PYY: variants seen among roughly 807,000 people sequenced by gnomAD.
The protein encoded by PYY is peptide tyrosine tyrosine.
Under a neutral mutation model 10.3 loss-of-function variants are expected in PYY, and 12 were observed. The observed-to-expected ratio is 1.17, with a 90% CI of 0.75 to 1.89. The LOEUF is 1.89. Ranked by LOEUF, PYY falls within the 40% of genes most tolerant of loss-of-function variation. The pLI is 0.00. For synonymous variants in PYY, 66 were observed against 62.0 expected, an observed-to-expected ratio of 1.06 and a Z score of -0.30; for missense variants, 141 against 134.0, an observed-to-expected ratio of 1.05 and a Z score of -0.26.
At chr17:44,000,211 G>T (rs1439728427) in intron 1 of PYY, among the ~76,000 whole-genome samples, 2 of 152,144 alleles carry the variant, frequency 1.3e-5, no homozygotes, top group Non-Finnish European at 2.9e-5. Flanking sequence ...GTGAGACCAG[G>T]CGTCGAGGTT....
intron 1 of PYY, among the ~76,000 whole-genome samples, chr17:44,001,627 G>A (rs1427945602): frequency 3.3e-5 from 5 of 152,202 alleles, no homozygotes; most frequent in African/African-American, 1.2e-4. Flanking sequence ...CCCATTGGCT[G>A]CCTGGGGACA....
chr17:43,962,222 G>A (rs73986652), intron 2 of PYY, among the ~76,000 whole-genome samples: 4,562 of 152,166 alleles, frequency 0.03, 229 homozygotes, highest in African/African-American at 0.1. Flanking sequence ...TGTGCTATTA[G>A]AAGGAATGGG....
intron 2 of PYY, among the ~76,000 whole-genome samples, chr17:43,964,821 A>G (rs929965612): frequency 6.6e-6 from 1 of 152,156 alleles, no homozygotes; most frequent in Non-Finnish European, 1.5e-5. Flanking sequence ...AAAAAAAATC[A>G]ACTGTTTTCC....
At chr17:44,002,505 A>G (rs1402984547) in intron 1 of PYY, among the ~76,000 whole-genome samples, 4 of 152,286 alleles carry the variant, frequency 2.6e-5, no homozygotes, top group Admixed American at 6.5e-5. Flanking sequence ...CCCCTCTACA[A>G]CAACAGAGGG....
intron 1 of PYY, among the ~76,000 whole-genome samples, chr17:44,000,535 GCTGAGAATGC>G (rs1372443001): frequency 2.7e-5 from 4 of 150,670 alleles, no homozygotes; most frequent in South Asian, 2.1e-4. Flanking sequence ...TGACACAGTC[GCTGAGAATGC>G]CTGAGAATGC....
chr17:43,977,073 C>T (rs528853472), intron 1 of PYY, among the ~76,000 whole-genome samples: 1 of 152,194 alleles, frequency 6.6e-6, no homozygotes, highest in Non-Finnish European at 1.5e-5. Context: ...CATGTCCCCC[C>T]ACCCTGCCTT....
intron 1 of PYY, among the ~76,000 whole-genome samples, chr17:43,993,264 A>G (rs1232786426): frequency 6.6e-6 from 1 of 151,934 alleles, no homozygotes. Context: ...ATCGAGACCA[A>G]CCTGGCTAAC....
intron 1 of PYY, among the ~76,000 whole-genome samples, chr17:43,973,776 C>T (rs1263543656): frequency 6.6e-6 from 1 of 152,160 alleles, no homozygotes; most frequent in East Asian, 1.9e-4. Context: ...GCCTGGGTGA[C>T]AAAGCACGAC....
chr17:43,953,889 C>A lies in PYY; in HGVS notation c.-40G>T. 6.1e-6 allele frequency: 1 copy of A among 163,574 alleles called. No individual in the cohort carries two copies. Among genetic ancestry groups the A allele is most frequent in the Non-Finnish European group, 1.3e-5 (1 of 74,410 alleles). 10.1% of individuals were successfully genotyped at this position (163,574 alleles called of 1,614,324 possible). A position where few individuals can be genotyped will look rare whatever the true frequency, so the allele number is the denominator to read the frequency against. ...AAGCAGACGAGCAGGAGGTGGAAGG[C>A]GAGGGAAGTCCCAAGGGCTGCACTG... On this transcript the variant is annotated 5_prime_UTR_variant, in exon 1 of 4. Transcript: ENST00000692052.
chr17:43,988,035 C>T (rs970977288), intron 1 of PYY, among the ~76,000 whole-genome samples: 2 of 152,124 alleles, frequency 1.3e-5, no homozygotes, highest in Non-Finnish European at 2.9e-5. Flanking sequence ...TCACCCAGGG[C>T]CACAGCCACA....
chr17:43,989,792 C>T lies in PYY; in HGVS notation c.-463+14599G>A, dbSNP rs1359090515. 1.1e-4 allele frequency among the ~76,000 whole-genome samples: 12 copies of T among 109,150 alleles called. No individual in the cohort carries two copies. In the East Asian group the frequency reaches 2.8e-3, roughly 25 times the overall value. 71.6% of individuals were successfully genotyped at this position (109,150 alleles called of 152,430 possible). Reference sequence around the variant, plus strand: ...ACCGCACTCCAGCCTGGGAGACAGACCAAGAGGCTGTCTCTTTAAAAAAAA... The same window carrying T: ...ACCGCACTCCAGCCTGGGAGACAGATCAAGAGGCTGTCTCTTTAAAAAAAA... On this transcript the variant is annotated intron_variant, in intron 1 of 6. Transcript: ENST00000360085.
intron 1 of PYY, among the ~76,000 whole-genome samples, chr17:44,002,729 C>T (rs2049037311): frequency 6.6e-6 from 1 of 152,208 alleles, no homozygotes; most frequent in Non-Finnish European, 1.5e-5. Context: ...CTGATCCTCA[C>T]ATATTTCTGT....
intron 1 of PYY, among the ~76,000 whole-genome samples, chr17:44,002,220 T>TG (rs1426364894): frequency 2.0e-5 from 3 of 151,956 alleles, no homozygotes; most frequent in Non-Finnish European, 4.4e-5. Flanking sequence ...GTCCGAGGGG[T>TG]GGGGGACTGC....
At chr17:43,965,789 CAAAAAAAAAAAAAA>C (rs67609128) in intron 2 of PYY, among the ~76,000 whole-genome samples, 1 of 31,924 alleles carries the variant, frequency 3.1e-5, no homozygotes, top group Non-Finnish European at 5.6e-5. Flanking sequence ...ATCCATCTCA[CAAAAAAAAAAAAAA>C]AAAAAAAAAA....
intron 1 of PYY, among the ~76,000 whole-genome samples, chr17:43,974,132 T>A (rs1255537907): frequency 6.6e-6 from 1 of 152,112 alleles, no homozygotes; most frequent in African/African-American, 2.4e-5. Flanking sequence ...TATTATTATA[T>A]CATTTGCTTA....
chr17:43,991,920 A>G (rs2048959384), intron 1 of PYY, among the ~76,000 whole-genome samples: 1 of 151,950 alleles, frequency 6.6e-6, no homozygotes, highest in South Asian at 2.1e-4. Flanking sequence ...GGAGATGGAG[A>G]CTACCCTGAC....
In PYY at chr17:43,953,182, T is replaced by C; in HGVS notation, c.196A>G (p.Lys66Glu). 6.2e-7 allele frequency: 1 copy of C among 1,613,076 alleles called. No individual in the cohort carries two copies. Among genetic ancestry groups the C allele is most frequent in the Non-Finnish European group, 8.5e-7 (1 of 1,179,458 alleles). The change falls in exon 3 of 4, where the codon AAA becomes GAA. Residue 66 changes from lysine to glutamate, a missense_variant. Physicochemically the swap from Lys to Glu is moderately conservative, Grantham distance 56. Coordinates refer to ENST00000692052, the MANE Select transcript of PYY (RefSeq NM_001394028.1). ...AGAAGCGTGTCCGGGCCGTCTCTTT[T>C]CCCATACCTGGGGGCGGGGAAGGGA... Reference protein sequence around the residue: ...LNLVTRQRYGKRDGPDTLLSK... With the variant: ...LNLVTRQRYGERDGPDTLLSK...
intron 1 of PYY, among the ~76,000 whole-genome samples, chr17:43,977,927 C>T (rs1038410554): frequency 4.6e-5 from 7 of 152,104 alleles, no homozygotes; most frequent in African/African-American, 1.2e-4. Context: ...TGGCCGGGCA[C>T]GGTGGCTCAC....
intron 1 of PYY, among the ~76,000 whole-genome samples, chr17:43,969,161 T>A (rs1403458876): frequency 6.6e-6 from 1 of 151,614 alleles, no homozygotes; most frequent in Non-Finnish European, 1.5e-5. Flanking sequence ...CAAAAAAAAA[T>A]GTATATGTTA....
Sources: gnomAD v4.1 joint callset for allele counts (sites outside exome capture counted in the v4.1 genomes callset) on GRCh38, gnomAD v4.1.1 for gene constraint, MANE v1.5 for transcripts, NCBI Gene and HGNC (gene_info 2026-07-23, HGNC 2026-07-21) for gene names.